The following GABRG3 variants were observed in gnomAD, a reference collection of about 807,000 sequenced individuals.
GABRG3 encodes the protein gamma-aminobutyric acid receptor subunit gamma-3.
A neutral mutation model predicts 48.8 loss-of-function variants in GABRG3; 25 were observed. The observed-to-expected ratio is 0.51, with a 90% CI of 0.37 to 0.72. The LOEUF is 0.72. Ranked by LOEUF, GABRG3 falls within the 30% of genes least tolerant of loss-of-function variation. The pLI is 0.00. For missense variants in GABRG3, 394 were observed against 577.9 expected, an observed-to-expected ratio of 0.68 and a Z score of 3.26; for synonymous variants, 227 against 217.6, an observed-to-expected ratio of 1.04 and a Z score of -0.38.
At chr15:27,295,762 G>C (rs1263000134) in intron 3 of GABRG3, among the ~76,000 whole-genome samples, 1 of 152,178 alleles carries the variant, frequency 6.6e-6, no homozygotes, top group Non-Finnish European at 1.5e-5. Context: ...GTAACTCTCA[G>C]AGTCTACAGC....
chr15:27,133,331 A>C (rs904930532), intron 3 of GABRG3, among the ~76,000 whole-genome samples: 2 of 152,192 alleles, frequency 1.3e-5, no homozygotes, highest in African/African-American at 4.8e-5. Context: ...ATACCTATGA[A>C]TGTTCGGGTT....
intron 3 of GABRG3, among the ~76,000 whole-genome samples, chr15:27,027,890 G>GT (rs1187952090): frequency 6.6e-6 from 1 of 152,188 alleles, no homozygotes; most frequent in Non-Finnish European, 1.5e-5. Context: ...TTGTTCTGGA[G>GT]TTTTATTTTC....
chr15:27,301,720 A>G (rs1892215242), intron 3 of GABRG3, among the ~76,000 whole-genome samples: 1 of 152,158 alleles, frequency 6.6e-6, no homozygotes, highest in South Asian at 2.1e-4. Flanking sequence ...AAACTCCCAA[A>G]CTTTGGTAGA....
intron 5 of GABRG3, among the ~76,000 whole-genome samples, chr15:27,452,135 A>G (rs1308911013): frequency 6.6e-6 from 1 of 152,212 alleles, no homozygotes; most frequent in East Asian, 1.9e-4. Flanking sequence ...AAAACAGTCA[A>G]CATCACTAAT....
chr15:27,002,760 A>AAAAAAAAAAAAAG (rs71130292), intron 2 of GABRG3, among the ~76,000 whole-genome samples: 1 of 125,930 alleles, frequency 7.9e-6, no homozygotes, highest in African/African-American at 3.1e-5. Flanking sequence ...AAAAAAAAAA[A>AAAAAAAAAAAAAG]AAAGGAAGGA....
Position 27,125,979 on chromosome 15 carries a change from G to A in GABRG3, c.270+99158G>A, listed in dbSNP as rs918353117. On this transcript the variant is annotated intron_variant, in intron 3 of 9. Transcript: ENST00000615808. ...CCAAATGGCATGTTCCAGTAAAAAG[G>A]AAGAACTGCCTTATGCATGCAACTC... is the stretch of plus-strand genomic sequence containing the variant. Among the ~76,000 whole-genome samples the A allele has an allele frequency of 6.6e-4, 100 of 152,176 alleles. 1 individual carries two copies. The highest frequency in any genetic ancestry group is 2.2e-3 in the African/African-American group (92 of 41,440).
chr15:27,003,845 C>A (rs1278415203), intron 2 of GABRG3, among the ~76,000 whole-genome samples: 1 of 133,976 alleles, frequency 7.5e-6, no homozygotes, highest in South Asian at 2.6e-4. Flanking sequence ...GCTGGCCGGG[C>A]GGGGGGGGCT....
intron 5 of GABRG3, among the ~76,000 whole-genome samples, chr15:27,357,355 G>T (rs1394237290): frequency 2.0e-5 from 3 of 152,294 alleles, no homozygotes; most frequent in South Asian, 2.1e-4. Flanking sequence ...AAAGCTACTG[G>T]TCTGTGGACA....
At chr15:27,241,427 G>C (rs991443476) in intron 3 of GABRG3, among the ~76,000 whole-genome samples, 1 of 152,162 alleles carries the variant, frequency 6.6e-6, no homozygotes, top group Non-Finnish European at 1.5e-5. Flanking sequence ...AGCAGCAATG[G>C]CCTTATTTCC....
intron 2 of GABRG3, among the ~76,000 whole-genome samples, chr15:26,992,797 T>C (rs1428159418): frequency 6.6e-6 from 1 of 152,152 alleles, no homozygotes; most frequent in Non-Finnish European, 1.5e-5. Context: ...CTATTAGTTA[T>C]TTAAATATTT....
chr15:27,433,596 C>T (rs778954724), intron 5 of GABRG3, among the ~76,000 whole-genome samples: 2 of 152,204 alleles, frequency 1.3e-5, no homozygotes, highest in African/African-American at 2.4e-5. Flanking sequence ...CCTCTGGTGG[C>T]TCTTTTTAAA....
At chr15:27,112,430 CTTAT>C (rs1022130724) in intron 3 of GABRG3, among the ~76,000 whole-genome samples, 39 of 145,122 alleles carry the variant, frequency 2.7e-4, no homozygotes, top group Non-Finnish European at 5.2e-4. Context: ...TCAGCATTTA[CTTAT>C]TTCATTGATT....
chr15:27,489,502 A>G (rs1214514127), intron 6 of GABRG3, among the ~76,000 whole-genome samples: 1 of 152,134 alleles, frequency 6.6e-6, no homozygotes, highest in African/African-American at 2.4e-5. Context: ...AATAGTGTAA[A>G]AGCTTTCCTA....
At position 27,266,639 on chromosome 15, in the gene GABRG3, A is replaced by G. The variant is rs117916732; in HGVS notation, c.271-60170A>G. Reference sequence around the variant, plus strand: ...TCATTTGGGAGAATTAGCTCTCAATATTGAGTCTTCTGACATACAAACACA... The same window carrying G: ...TCATTTGGGAGAATTAGCTCTCAATGTTGAGTCTTCTGACATACAAACACA... On this transcript the variant is annotated intron_variant, in intron 3 of 9. Transcript: ENST00000615808. Among the ~76,000 whole-genome samples, 44 of 152,334 alleles carry G rather than the reference A, an allele frequency of 2.9e-4. No homozygotes were observed. In the East Asian group the frequency reaches 8.1e-3, roughly 28 times the overall value.
intron 3 of GABRG3, among the ~76,000 whole-genome samples, chr15:27,041,966 C>T (rs1047576273): frequency 6.6e-6 from 1 of 152,150 alleles, no homozygotes; most frequent in African/African-American, 2.4e-5. Flanking sequence ...AGGGTGGCAT[C>T]CTTCCAAACA....
intron 2 of GABRG3, among the ~76,000 whole-genome samples, chr15:27,007,005 G>C (rs1212342499): frequency 6.6e-6 from 1 of 151,338 alleles, no homozygotes; most frequent in Non-Finnish European, 1.5e-5. Context: ...ATCCAGAGTT[G>C]TTGGGTATTT....
At chr15:27,262,007 C>T (rs1890784030) in intron 3 of GABRG3, among the ~76,000 whole-genome samples, 1 of 152,128 alleles carries the variant, frequency 6.6e-6, no homozygotes, top group Non-Finnish European at 1.5e-5. Context: ...CCAACGAATC[C>T]CCAAGGAAAG....
chr15:27,388,275 GT>G (rs1896073900), intron 5 of GABRG3, among the ~76,000 whole-genome samples: 1 of 47,720 alleles, frequency 2.1e-5, no homozygotes, highest in African/African-American at 1.0e-4. Context: ...GGGAGGGAGG[GT>G]AAGGAAGGAA....
At chr15:27,297,084 A>G (rs1289125298) in intron 3 of GABRG3, among the ~76,000 whole-genome samples, 1 of 152,128 alleles carries the variant, frequency 6.6e-6, no homozygotes, top group Non-Finnish European at 1.5e-5. Context: ...TTAAAAGGTA[A>G]AAAAGATTTA....
Sources: allele counts gnomAD v4.1 joint callset (sites outside exome capture counted in the v4.1 genomes callset), GRCh38; gene constraint gnomAD v4.1.1; transcripts MANE v1.5; gene names NCBI Gene and HGNC (gene_info 2026-07-23, HGNC 2026-07-21).